UBE2E2: variants seen among roughly 807,000 people sequenced by gnomAD.
The protein encoded by UBE2E2 is ubiquitin conjugating enzyme E2 E2.
Under a neutral mutation model 24.7 loss-of-function variants are expected in UBE2E2, and 6 were observed. The ratio of observed to expected loss-of-function variants is 0.24; its 90% confidence interval spans 0.13 to 0.48. The LOEUF is 0.48. Ranked by LOEUF, UBE2E2 falls within the 20% of genes least tolerant of loss-of-function variation. The probability of loss-of-function intolerance (pLI) is 0.99; values close to 1 mark genes in which losing one functional copy is unlikely to be tolerated. For missense variants in UBE2E2, 169 were observed against 245.0 expected (o/e 0.69, Z 2.07); for synonymous variants, 104 against 83.6 (o/e 1.24, Z -1.33).
At chr3:23,284,071 G>C (rs1698550883) in intron 3 of UBE2E2, among the ~76,000 whole-genome samples, 1 of 151,952 alleles carries the variant, frequency 6.6e-6, no homozygotes. Flanking sequence ...TATAGCTTAG[G>C]TGCAGTCTAA....
At chr3:23,398,315 AAAAAAAAAC>A (rs1460994333) in intron 3 of UBE2E2, among the ~76,000 whole-genome samples, 2 of 151,308 alleles carry the variant, frequency 1.3e-5, no homozygotes, top group Admixed American at 6.6e-5. Flanking sequence ...TCCATCTCAA[AAAAAAAAAC>A]AAAAAAAAAC....
chr3:23,350,384 G>C (rs1171457129), intron 3 of UBE2E2, among the ~76,000 whole-genome samples: 1 of 152,236 alleles, frequency 6.6e-6, no homozygotes, highest in Non-Finnish European at 1.5e-5. Context: ...AAGCTGGACG[G>C]AGAATGACTT....
At chr3:23,210,971 C>T (rs1229943073) in intron 2 of UBE2E2, among the ~76,000 whole-genome samples, 1 of 151,516 alleles carries the variant, frequency 6.6e-6, no homozygotes, top group Non-Finnish European at 1.5e-5. Context: ...CCTCTCTCTT[C>T]CTCCAATTCA....
At chr3:23,225,906 G>T (rs973669375) in intron 3 of UBE2E2, among the ~76,000 whole-genome samples, 8 of 151,500 alleles carry the variant, frequency 5.3e-5, no homozygotes, top group Non-Finnish European at 1.0e-4. Flanking sequence ...TTGAGACAGA[G>T]TCTTGCTCTG....
At chr3:23,370,213 G>T (rs1453553008) in intron 3 of UBE2E2, among the ~76,000 whole-genome samples, 2 of 151,604 alleles carry the variant, frequency 1.3e-5, no homozygotes, top group East Asian at 1.9e-4. Context: ...TAAACTTTTG[G>T]TCTTTGTCAC....
chr3:23,257,924 TC>T, intron 3 of UBE2E2, among the ~76,000 whole-genome samples: 1 of 151,886 alleles, frequency 6.6e-6, no homozygotes, highest in African/African-American at 2.4e-5. Flanking sequence ...CATTTAGATC[TC>T]TTTCGTCTAT....
intron 5 of UBE2E2, among the ~76,000 whole-genome samples, chr3:23,552,511 G>A (rs1442426594): frequency 6.6e-6 from 1 of 152,150 alleles, no homozygotes; most frequent in African/African-American, 2.4e-5. Flanking sequence ...GGTAAAGAAA[G>A]CATAAACAAG....
intron 5 of UBE2E2, among the ~76,000 whole-genome samples, chr3:23,575,011 C>CAG (rs1351235456): frequency 2.6e-5 from 4 of 152,182 alleles, no homozygotes; most frequent in Non-Finnish European, 4.4e-5. Flanking sequence ...TTTGGATCTT[C>CAG]AGATTAGGGC....
intron 1 of UBE2E2, among the ~76,000 whole-genome samples, chr3:23,206,862 G>T (rs1696160835): frequency 6.6e-6 from 1 of 151,930 alleles, no homozygotes; most frequent in African/African-American, 2.4e-5. Flanking sequence ...CTTTATTTGA[G>T]GTATCTTTAC....
At chr3:23,205,895 T>C (rs1180955146) in intron 1 of UBE2E2, among the ~76,000 whole-genome samples, 1 of 152,206 alleles carries the variant, frequency 6.6e-6, no homozygotes, top group Non-Finnish European at 1.5e-5. Context: ...TAAGTAATTA[T>C]ATAACTATGG....
In UBE2E2 at chr3:23,288,927, GC is replaced by G. The variant is rs1350794285; in HGVS notation, c.227+71616del. Among the ~76,000 whole-genome samples, 4 of 152,326 alleles carry G rather than the reference GC, an allele frequency of 2.6e-5. No individual in the cohort carries two copies. In the East Asian group the frequency reaches 7.7e-4, roughly 29 times the overall value. ...TCTCTCTTCACACCACGTGGCTGCT[GC>G]TGGGGCATGGGGGAGGGGTGGCATT... On this transcript the variant is annotated intron_variant, in intron 3 of 5. Coordinates refer to ENST00000396703, the MANE Select transcript of UBE2E2 (RefSeq NM_152653.4).
intron 3 of UBE2E2, among the ~76,000 whole-genome samples, chr3:23,307,433 T>C (rs1160924246): frequency 6.6e-6 from 1 of 152,198 alleles, no homozygotes; most frequent in Non-Finnish European, 1.5e-5. Context: ...CTTTTACCTC[T>C]ACTCCCTGTA....
At chr3:23,571,630 C>T (rs928261468) in intron 5 of UBE2E2, among the ~76,000 whole-genome samples, 3 of 152,124 alleles carry the variant, frequency 2.0e-5, no homozygotes, top group South Asian at 2.1e-4. Flanking sequence ...TAGCAAGGAT[C>T]GTACAGACCG....
At chr3:23,311,205 G>T (rs1267011406) in intron 3 of UBE2E2, among the ~76,000 whole-genome samples, 2 of 152,162 alleles carry the variant, frequency 1.3e-5, no homozygotes, top group African/African-American at 4.8e-5. Context: ...TTTTGTGGCT[G>T]CGTAGTATTC....
intron 3 of UBE2E2, among the ~76,000 whole-genome samples, chr3:23,242,099 A>G (rs928941656): frequency 1.3e-5 from 2 of 151,982 alleles, no homozygotes; most frequent in African/African-American, 4.8e-5. Context: ...ATTTTTTTGT[A>G]GAGATGGAGT....
chr3:23,352,665 C>T (rs1342176452), intron 3 of UBE2E2, among the ~76,000 whole-genome samples: 14 of 152,048 alleles, frequency 9.2e-5, no homozygotes, highest in African/African-American at 1.9e-4. Context: ...ACACATACAC[C>T]CTCCCAAGAC....
At chr3:23,479,115 G>A (rs1351678475) in intron 3 of UBE2E2, among the ~76,000 whole-genome samples, 10 of 152,198 alleles carry the variant, frequency 6.6e-5, no homozygotes, top group Admixed American at 3.9e-4. Context: ...GGTTTTGCTT[G>A]GGCCCACTGG....
intron 3 of UBE2E2, among the ~76,000 whole-genome samples, chr3:23,413,469 C>T (rs573745141): frequency 6.6e-6 from 1 of 152,214 alleles, no homozygotes; most frequent in East Asian, 1.9e-4. Flanking sequence ...GGCCTTGTCC[C>T]TGCCTTTCCC....
In UBE2E2 at chr3:23,582,085, CTGT is replaced by C. The variant is rs201598996; in HGVS notation, c.509-7644_509-7642del. Among the ~76,000 whole-genome samples the C allele has an allele frequency of 6.3e-4, 96 of 152,236 alleles. 4 individuals are homozygous for C. In the East Asian group the frequency reaches 0.015, roughly 24 times the overall value. On this transcript the variant is annotated intron_variant, in intron 5 of 5. Transcript: ENST00000396703. ...TCCACCCTCAAGTAGGCCATGGTAT[CTGT>C]TGTTTGCTTCTTTGTGTCCATGGGT...
Sources: gnomAD v4.1 joint callset for allele counts (sites outside exome capture counted in the v4.1 genomes callset) on GRCh38, gnomAD v4.1.1 for gene constraint, MANE v1.5 for transcripts, NCBI Gene and HGNC (gene_info 2026-07-23, HGNC 2026-07-21) for gene names.